The following SERGEF variants were observed in gnomAD, a reference collection of about 807,000 sequenced individuals.
The protein encoded by SERGEF is secretion regulating guanine nucleotide exchange factor.
SERGEF carries 51 observed loss-of-function variants against 50.0 expected under a neutral mutation model. The observed-to-expected ratio is 1.02, with a 90% CI of 0.81 to 1.29. The LOEUF is 1.29. Ranked by LOEUF, SERGEF falls within the 50% of genes most tolerant of loss-of-function variation. SERGEF has a pLI of 0.00. For synonymous variants in SERGEF, 205 were observed against 212.4 expected (o/e 0.97, Z 0.30); for missense variants, 521 against 557.0 (o/e 0.94, Z 0.65).
chr11:17,925,043 T>G (rs1852225342), intron 9 of SERGEF, among the ~76,000 whole-genome samples: 1 of 152,202 alleles, frequency 6.6e-6, no homozygotes. Flanking sequence ...CGACAAAATC[T>G]TTCAGGTGTA....
At position 17,790,791 on chromosome 11, in the gene SERGEF, T is replaced by C. The variant is rs79407538; in HGVS notation, c.1049-2378A>G. Among the ~76,000 whole-genome samples, 921 of 152,318 alleles carry C rather than the reference T, an allele frequency of 6.0e-3. 5 individuals are homozygous for C. The highest frequency in any genetic ancestry group is 0.017 in the Middle Eastern group (5 of 294). On this transcript the variant is annotated intron_variant, in intron 10 of 10. Coordinates refer to ENST00000265965, the MANE Select transcript of SERGEF (RefSeq NM_012139.4). ...ATAGATATGAATTTGTTTCCTTAGA[T>C]CTTACCTTTAGACTCTTGCCATTCT...
intron 10 of SERGEF, among the ~76,000 whole-genome samples, chr11:17,851,093 C>G (rs1850702331): frequency 6.6e-6 from 1 of 152,164 alleles, no homozygotes; most frequent in Non-Finnish European, 1.5e-5. Flanking sequence ...GCAGTATTTC[C>G]TCTGCTGTGA....
intron 1 of SERGEF, 136 bp downstream of exon 1, chr11:18,012,815 A>G (rs1239948705): frequency 7.3e-6 from 7 of 957,844 alleles, no homozygotes; most frequent in Non-Finnish European, 8.6e-6. Flanking sequence ...CTCCGCTCCC[A>G]GCCCAGGATC....
In SERGEF at chr11:17,888,904, C is replaced by T. The variant is rs1053612551; in HGVS notation, c.1012-10660G>A. Among the ~76,000 whole-genome samples the T allele has an allele frequency of 2.0e-5, 3 of 152,160 alleles. No individual in the cohort carries two copies. Among genetic ancestry groups the T allele is most frequent in the South Asian group, 2.1e-4 (1 of 4,812 alleles). On this transcript the variant is annotated intron_variant, in intron 9 of 10. Coordinates refer to ENST00000265965, the MANE Select transcript of SERGEF (RefSeq NM_012139.4). The surrounding 1 kb of genome is among the most constrained non-coding windows in gnomAD (Gnocchi z 4.1). ...GAAAGTGATAAAAGAGTAAAGGAGA[C>T]GTGTCAAAAGGAAACTAGCCAGCCT...
intron 10 of SERGEF, chr11:17,863,819 T>C (rs778124174): frequency 9.9e-5 from 15 of 152,250 alleles, no homozygotes; most frequent in Non-Finnish European, 1.6e-4. Flanking sequence ...GCATATAATG[T>C]TCATTGAGTA....
intron 9 of SERGEF, among the ~76,000 whole-genome samples, chr11:17,918,018 G>A (rs1852080749): frequency 6.6e-6 from 1 of 152,176 alleles, no homozygotes; most frequent in Non-Finnish European, 1.5e-5. Context: ...TATGCCTGTG[G>A]TAGGTATTTT....
intron 10 of SERGEF, among the ~76,000 whole-genome samples, chr11:17,867,281 A>G (rs535600347): frequency 2.6e-5 from 4 of 152,274 alleles, no homozygotes; most frequent in Non-Finnish European, 5.9e-5. Flanking sequence ...TTGGGTAAAT[A>G]TAGCCATTCA....
At chr11:17,897,852 A>G (rs1851676279) in intron 9 of SERGEF, among the ~76,000 whole-genome samples, 1 of 152,220 alleles carries the variant, frequency 6.6e-6, no homozygotes, top group Admixed American at 6.5e-5. Context: ...GTCCACTCAC[A>G]AAACACACCA....
At chr11:17,961,431 T>G (rs1214043463) in intron 8 of SERGEF, among the ~76,000 whole-genome samples, 1 of 152,172 alleles carries the variant, frequency 6.6e-6, no homozygotes, top group African/African-American at 2.4e-5. Flanking sequence ...TGTTGCTGCT[T>G]AAATGACCGT....
intron 8 of SERGEF, among the ~76,000 whole-genome samples, chr11:17,963,181 CAA>C (rs1164488575): frequency 0.015 from 245 of 16,462 alleles, no homozygotes; most frequent in African/African-American, 0.052. Context: ...GACTCTGTTT[CAA>C]AAAAAAAAAA....
chr11:17,818,073 C>T (rs904732799), intron 10 of SERGEF, among the ~76,000 whole-genome samples: 7 of 152,192 alleles, frequency 4.6e-5, no homozygotes, highest in Admixed American at 2.0e-4. Flanking sequence ...CCTGCTATGA[C>T]CACGTGTACA....
Position 17,788,258 on chromosome 11 carries a change from G to A in SERGEF, c.1204C>T (p.Leu402=), listed in dbSNP as rs1224191328. Reference sequence around the variant, plus strand: ...TGGACCAATGCAGGGTGAGCTGGCAGCTGGCAGAGGGCCAAGGAGTGGCCA... The same window carrying A: ...TGGACCAATGCAGGGTGAGCTGGCAACTGGCAGAGGGCCAAGGAGTGGCCA... ...GAGHSLALCQ[L]PAHPALVQDP... is the part of the protein sequence containing the mutation. The change falls in exon 11 of 11, where the codon CTG becomes TTG. Residue 402 remains leucine (L), a synonymous_variant. Coordinates refer to ENST00000265965, the MANE Select transcript of SERGEF (RefSeq NM_012139.4). The A allele has an allele frequency of 6.2e-7, 1 of 1,613,986 alleles. No homozygotes were observed. Among genetic ancestry groups the A allele is most frequent in the Non-Finnish European group, 8.5e-7 (1 of 1,179,940 alleles).
intron 9 of SERGEF, among the ~76,000 whole-genome samples, chr11:17,918,249 T>G (rs1270210563): frequency 2.0e-5 from 3 of 152,204 alleles, no homozygotes; most frequent in African/African-American, 4.8e-5. Context: ...AACTTATGAA[T>G]GAGCAAGACT....
chr11:17,902,554 A>G (rs946228494), intron 9 of SERGEF, among the ~76,000 whole-genome samples: 4 of 152,230 alleles, frequency 2.6e-5, no homozygotes, highest in Admixed American at 6.5e-5. Context: ...CTAGAAGAAC[A>G]GAAGAACACC....
At chr11:17,819,997 T>C (rs915444496) in intron 10 of SERGEF, among the ~76,000 whole-genome samples, 1 of 152,048 alleles carries the variant, frequency 6.6e-6, no homozygotes, top group Admixed American at 6.6e-5. Context: ...ACCACCACAC[T>C]TGGCTAATTA....
At chr11:17,850,398 C>T (rs1850690065) in intron 10 of SERGEF, among the ~76,000 whole-genome samples, 1 of 152,194 alleles carries the variant, frequency 6.6e-6, no homozygotes, top group African/African-American at 2.4e-5. Context: ...ACTCCCAACA[C>T]ACACGTACAC....
chr11:17,824,881 A>G (rs1850161854), intron 10 of SERGEF, among the ~76,000 whole-genome samples: 1 of 152,218 alleles, frequency 6.6e-6, no homozygotes, highest in African/African-American at 2.4e-5. Context: ...AATTTTGGGG[A>G]GAAACAATTC....
intron 1 of SERGEF, chr11:18,009,953 G>A (rs757948981): frequency 4.7e-5 from 17 of 357,926 alleles, no homozygotes; most frequent in Non-Finnish European, 8.0e-5. Flanking sequence ...ATGGCCTTAT[G>A]TCCAGTAAGT....
intron 10 of SERGEF, among the ~76,000 whole-genome samples, chr11:17,870,395 G>A (rs969996347): frequency 1.3e-5 from 2 of 152,200 alleles, no homozygotes; most frequent in African/African-American, 4.8e-5. Context: ...TGCAGTAGGA[G>A]AAAGACTTGA....
Sources: allele counts gnomAD v4.1 joint callset (sites outside exome capture counted in the v4.1 genomes callset), GRCh38; gene constraint gnomAD v4.1.1; non-coding constraint Gnocchi (gnomAD v3.1); transcripts MANE v1.5; gene names NCBI Gene and HGNC (gene_info 2026-07-23, HGNC 2026-07-21).